The following BRCA1 variants were observed in gnomAD, a reference collection of about 807,000 sequenced individuals.
The protein encoded by BRCA1 is BRCA1 DNA repair associated.
A neutral mutation model predicts 173.7 loss-of-function variants in BRCA1; 140 were observed. The observed-to-expected ratio is 0.81, with a 90% confidence interval of 0.70 to 0.93. The LOEUF (loss-of-function observed/expected upper bound fraction) is 0.93, where lower values mean the gene tolerates loss of function less well. Among genes scored for constraint, BRCA1 ranks in the 40% least tolerant of loss-of-function variants. The probability of loss-of-function intolerance (pLI) is 0.00; values close to 1 mark genes in which losing one functional copy is unlikely to be tolerated. For synonymous variants in BRCA1, 662 were observed against 756.0 expected (o/e 0.88, Z 2.04); for missense variants, 1,983 against 2,172.5 (o/e 0.91, Z 1.73).
At chr17:43,159,556 G>A (rs1198125677) in intron 1 of BRCA1, 13 of 197,852 alleles carry the variant, frequency 6.6e-5, no homozygotes, top group Admixed American at 6.0e-4. Context: ...CTTCTCAGAC[G>A]GGGCGGCCGG....
intron 11 of BRCA1, among the ~76,000 whole-genome samples, chr17:43,085,729 G>A (rs1292288232): frequency 2.0e-5 from 3 of 152,138 alleles, no homozygotes; most frequent in African/African-American, 7.2e-5. Flanking sequence ...CAAGTGGGCA[G>A]AATGTGGCTA....
At chr17:43,050,241 C>T (rs537975637) in intron 20 of BRCA1, 242 of 396,526 alleles carry the variant, frequency 6.1e-4, no homozygotes, top group Middle Eastern at 1.3e-3. Context: ...CTTTGTGCTG[C>T]GCAACTCCAG....
At position 43,093,705 on chromosome 17, in the gene BRCA1, T is replaced by C. The variant is rs80357236; in HGVS notation, c.1826A>G (p.Asn609Ser). The part of the protein sequence containing the change: ...NIHNSKAPKK[N>S]RLRRKSSTRH... ...GGTAGAAGACTTCCTCCTCAGCCTA[T>C]TCTTTTTAGGTGCTTTTGAATTGTG... The change falls in exon 10 of 23, where the codon AAT (asparagine) becomes AGT (serine). Residue 609 changes from asparagine to serine, a missense_variant. Transcript: ENST00000357654. 3 of 1,614,088 alleles carry C rather than the reference T, an allele frequency of 1.9e-6. No homozygotes were observed. The highest frequency in any genetic ancestry group is 2.5e-6 in the Non-Finnish European group (3 of 1,179,972).
At chr17:43,120,668 G>C (rs766220679) in intron 2 of BRCA1, among the ~76,000 whole-genome samples, 2 of 152,238 alleles carry the variant, frequency 1.3e-5, no homozygotes, top group Admixed American at 6.5e-5. Flanking sequence ...GGGGGGCCGA[G>C]GCAGGAGAAT....
intron 1 of BRCA1, among the ~76,000 whole-genome samples, chr17:43,134,937 A>G (rs2056003569): frequency 6.6e-6 from 1 of 152,244 alleles, no homozygotes; most frequent in East Asian, 1.9e-4. Context: ...TTGCAGACCC[A>G]GGCTGTGCAA....
At chr17:43,067,586 T>C (rs2153693435) in intron 16 of BRCA1, 22 bp downstream of exon 16, 1 of 1,568,102 alleles carries the variant, frequency 6.4e-7, no homozygotes, top group African/African-American at 1.4e-5. Flanking sequence ...TGCAAGGTAT[T>C]CTGTAAAGGT....
intron 3 of BRCA1, among the ~76,000 whole-genome samples, chr17:43,113,422 A>G (rs1347172693): frequency 6.6e-6 from 1 of 151,494 alleles, no homozygotes. Context: ...GCTGGAGTGC[A>G]TTGGCATGAT....
rs2154275470 is a variant in BRCA1 at position 43,091,583 on chromosome 17, G to A, written c.3948C>T (p.Phe1316=). Residue 1316 remains phenylalanine (F), a synonymous_variant, in exon 10 of 23, where the codon TTC becomes TTT. Coordinates refer to ENST00000357654, the MANE Select transcript of BRCA1 (RefSeq NM_007294.4). The part of the protein sequence containing the change: ...LTANTNTQDP[F]LIGSSKQMRH... ...TCATTTGTTTGGAAGAACCAATCAAGAAAGGATCCTGGGTGTTTGTATTTG... is the reference window on the plus strand; with the variant it reads ...TCATTTGTTTGGAAGAACCAATCAAAAAAGGATCCTGGGTGTTTGTATTTG... 1 of 1,614,182 alleles carries A rather than the reference G, an allele frequency of 6.2e-7. No homozygotes were observed.
chr17:43,087,508 C>T (rs897080169), intron 11 of BRCA1, among the ~76,000 whole-genome samples: 2 of 151,764 alleles, frequency 1.3e-5, no homozygotes, highest in Admixed American at 1.3e-4. Context: ...ACTAAAAATA[C>T]AAAGTTAGCT....
intron 16 of BRCA1, among the ~76,000 whole-genome samples, chr17:43,066,645 G>C (rs1433681632): frequency 1.3e-5 from 2 of 149,380 alleles, no homozygotes; most frequent in Non-Finnish European, 3.0e-5. Flanking sequence ...TCCTGACCTT[G>C]TGATCTGCCC....
Position 43,082,667 on chromosome 17 carries a change from A to G in BRCA1, c.4186-92T>C. On this transcript the variant is annotated intron_variant, in intron 11 of 22. Coordinates refer to ENST00000357654, the MANE Select transcript of BRCA1 (RefSeq NM_007294.4). ...ATATCATACAAATTAATTTTAGCAC[A>G]GGAATTGAAATCACCTAGTATGGAA... 2.8e-6 allele frequency: 4 copies of G among 1,410,208 alleles called. 1 individual carries two copies. The allele number at this position is 1,410,208 out of a possible 1,614,324, so 87.4% of individuals were successfully genotyped here. A position where few individuals can be genotyped will look rare whatever the true frequency, so the allele number is the denominator to read the frequency against.
upstream of BRCA1, among the ~76,000 whole-genome samples, chr17:43,127,364 G>T (rs1409797768): frequency 6.6e-6 from 1 of 152,218 alleles, no homozygotes; most frequent in African/African-American, 2.4e-5. Context: ...GCACCAATCA[G>T]CACTCTGTAT....
chr17:43,131,490 A>G (rs1204565720), intron 1 of BRCA1, among the ~76,000 whole-genome samples: 1 of 152,178 alleles, frequency 6.6e-6, no homozygotes, highest in East Asian at 1.9e-4. Flanking sequence ...CAGTAGGGAC[A>G]GAAAACTGCT....
intron 19 of BRCA1, among the ~76,000 whole-genome samples, chr17:43,052,769 AGACG>A (rs2051296414): frequency 7.1e-6 from 1 of 141,608 alleles, no homozygotes; most frequent in South Asian, 2.4e-4. Context: ...CTTGACAGAC[AGACG>A]GACAGAAACA....
chr17:43,073,152 C>T (rs968825486), intron 14 of BRCA1, among the ~76,000 whole-genome samples: 1 of 151,954 alleles, frequency 6.6e-6, no homozygotes, highest in Admixed American at 6.6e-5. Flanking sequence ...GGCAACATAA[C>T]AAGACCCGTG....
chr17:43,139,122 A>G (rs901663619), intron 1 of BRCA1, among the ~76,000 whole-genome samples: 1 of 151,828 alleles, frequency 6.6e-6, no homozygotes, highest in African/African-American at 2.4e-5. Context: ...TTCCTAACAC[A>G]AAGCTCCTAA....
At chr17:43,147,265 C>G (rs995296819) in intron 1 of BRCA1, among the ~76,000 whole-genome samples, 5 of 152,180 alleles carry the variant, frequency 3.3e-5, no homozygotes, top group African/African-American at 9.7e-5. Context: ...TCTCGGCTCA[C>G]GGCAAGCTCT....
At chr17:43,169,567 C>T (rs1385641996) in intron 1 of BRCA1, among the ~76,000 whole-genome samples, 1 of 152,140 alleles carries the variant, frequency 6.6e-6, no homozygotes, top group Non-Finnish European at 1.5e-5. Context: ...CAACCTGATC[C>T]TTAGTGCTTC....
chr17:43,116,840 G>A (rs969647922), intron 2 of BRCA1, among the ~76,000 whole-genome samples: 2 of 152,002 alleles, frequency 1.3e-5, no homozygotes, highest in East Asian at 3.9e-4. Context: ...CTGATCTATA[G>A]GTGTCTCTTA....
Sources: gnomAD v4.1 joint callset for allele counts (sites outside exome capture counted in the v4.1 genomes callset) on GRCh38, gnomAD v4.1.1 for gene constraint, MANE v1.5 for transcripts, NCBI Gene and HGNC (gene_info 2026-07-23, HGNC 2026-07-21) for gene names.